Variants in NT5C2 observed in about 807,000 individuals in gnomAD.
NT5C2 encodes cytosolic purine 5'-nucleotidase.
Under a neutral mutation model 76.1 loss-of-function variants are expected in NT5C2, and 58 were observed. The observed-to-expected ratio is 0.76, with a 90% confidence interval of 0.62 to 0.95. The LOEUF (loss-of-function observed/expected upper bound fraction) is 0.95. Ranked by LOEUF, NT5C2 falls within the 40% of genes least tolerant of loss-of-function variation. The pLI is 0.00. For missense variants in NT5C2, 478 were observed against 690.3 expected (o/e 0.69, Z 3.45); for synonymous variants, 229 against 237.4 (o/e 0.96, Z 0.32).
At chr10:103,106,552 A>T in intron 5 of NT5C2, 37 bp downstream of exon 5, 1 of 1,293,608 alleles carries the variant, frequency 7.7e-7, no homozygotes, top group Non-Finnish European at 1.1e-6. Context: ...AAGTAGTCTT[A>T]ATCTAGTCTT....
At chr10:103,179,012 G>C (rs928387990) in intron 2 of NT5C2, among the ~76,000 whole-genome samples, 18 of 142,058 alleles carry the variant, frequency 1.3e-4, no homozygotes, top group African/African-American at 4.5e-4. Context: ...GCAGTGATGC[G>C]ATCTTGGCTC....
chr10:103,169,602 G>A (rs1034727214), intron 3 of NT5C2, among the ~76,000 whole-genome samples: 1 of 150,458 alleles, frequency 6.6e-6, no homozygotes. Flanking sequence ...CTGGGTGACA[G>A]AGCAAGACCC....
intron 1 of NT5C2, among the ~76,000 whole-genome samples, chr10:103,182,009 C>CA (rs372557039): frequency 0.13 from 15,907 of 124,642 alleles, 1,094 homozygotes; most frequent in East Asian, 0.2. Flanking sequence ...GACTCTATCT[C>CA]AAAAAAAAAA....
In NT5C2 at chr10:103,108,550, G is replaced by A. The variant is rs187119509; in HGVS notation, c.176-1844C>T. 1.3e-3 allele frequency among the ~76,000 whole-genome samples: 195 copies of A among 152,234 alleles called. 3 individuals are homozygous for A. In the Middle Eastern group the frequency reaches 0.051, roughly 40 times the overall value. ...ATATAACAGTAATACTAGTTGCCAC[G>A]TAGGAAAGGAACTGAGTGGCCTTTA... On this transcript the variant is annotated intron_variant, in intron 4 of 18. Transcript: ENST00000404739.
chr10:103,123,158 C>T (rs1259023442), intron 4 of NT5C2, among the ~76,000 whole-genome samples: 1 of 152,044 alleles, frequency 6.6e-6, no homozygotes, highest in Non-Finnish European at 1.5e-5. Flanking sequence ...GAGACAGGGT[C>T]TTGTTCTATA....
intron 12 of NT5C2, among the ~76,000 whole-genome samples, chr10:103,095,504 T>C (rs72843998): frequency 0.098 from 14,886 of 152,282 alleles, 1,048 homozygotes; most frequent in Non-Finnish European, 0.15. Context: ...CAAGGCTGAG[T>C]GCTCTCTTGG....
chr10:103,183,245 TATATATGTGTGTGTGTG>T (rs1333580225), intron 1 of NT5C2, among the ~76,000 whole-genome samples: 4 of 123,794 alleles, frequency 3.2e-5, no homozygotes, highest in Non-Finnish European at 6.7e-5. Flanking sequence ...AGGAGATATA[TATATATGTGTGTGTGTG>T]ATATATATAT....
intron 16 of NT5C2, 85 bp from the exon 17 acceptor site, chr10:103,091,081 C>A: frequency 8.0e-7 from 1 of 1,244,886 alleles, no homozygotes. Flanking sequence ...GTCACTCAGG[C>A]TGGAGTGCAG....
rs775096149 is a variant in NT5C2, at chr10:103,165,829, G to A, written c.101+9029C>T. ...TGGGATTACAGGCATGTACCACCAC[G>A]CCTGGCTAATTTGTATTTTTAGCAG... On this transcript the variant is annotated intron_variant, in intron 3 of 18. Transcript: ENST00000404739. Among the ~76,000 whole-genome samples, 6 of 152,154 alleles carry A rather than the reference G, an allele frequency of 3.9e-5. No individual in the cohort carries two copies. The South Asian group carries it at 1.0e-3, about 26-fold the overall frequency.
intron 3 of NT5C2, among the ~76,000 whole-genome samples, chr10:103,168,855 G>A (rs1256798040): frequency 6.6e-6 from 1 of 152,088 alleles, no homozygotes. Context: ...CATCACATAC[G>A]ATGTATACTT....
chr10:103,171,994 G>C (rs2088175358), intron 3 of NT5C2, among the ~76,000 whole-genome samples: 1 of 152,070 alleles, frequency 6.6e-6, no homozygotes, highest in African/African-American at 2.4e-5. Context: ...TAGATCACCT[G>C]ATATCAGGAG....
At chr10:103,153,448 C>T (rs971396196) in intron 3 of NT5C2, 2 of 1,132,468 alleles carry the variant, frequency 1.8e-6, no homozygotes, top group African/African-American at 3.4e-5. Flanking sequence ...ATGCCGAACC[C>T]TAACTAGGCA....
intron 4 of NT5C2, among the ~76,000 whole-genome samples, chr10:103,116,124 C>T (rs996226754): frequency 6.6e-6 from 1 of 151,738 alleles, no homozygotes; most frequent in East Asian, 1.9e-4. Context: ...ATTTAAATGC[C>T]TTTTTAAAAA....
intron 3 of NT5C2, among the ~76,000 whole-genome samples, chr10:103,163,359 G>T (rs1394108565): frequency 6.6e-6 from 1 of 152,166 alleles, no homozygotes; most frequent in African/African-American, 2.4e-5. Flanking sequence ...CTGCCAAACT[G>T]TTTTTCCAGA....
chr10:103,152,624 A>AACAT (rs1249820173), intron 3 of NT5C2, among the ~76,000 whole-genome samples: 1 of 152,200 alleles, frequency 6.6e-6, no homozygotes, highest in Non-Finnish European at 1.5e-5. Flanking sequence ...TATTAAAAGA[A>AACAT]ACATCTCTCT....
intron 18 of NT5C2, chr10:103,090,342 A>G (rs2066427768): frequency 5.2e-6 from 2 of 384,324 alleles, no homozygotes; most frequent in Admixed American, 4.2e-5. Flanking sequence ...CTCAGCCTCT[A>G]AAGTTCTGGG....
At chr10:103,092,764 G>C (rs1040374961) in intron 15 of NT5C2, among the ~76,000 whole-genome samples, 2 of 152,166 alleles carry the variant, frequency 1.3e-5, no homozygotes, top group African/African-American at 4.8e-5. Flanking sequence ...CACTGCCCCA[G>C]AATCACAGAT....
chr10:103,175,591 G>T, intron 2 of NT5C2: 1 of 210,934 alleles, frequency 4.7e-6, no homozygotes, highest in South Asian at 9.3e-5. Flanking sequence ...CGGAAGACGT[G>T]ACCACCAAGG....
intron 4 of NT5C2, among the ~76,000 whole-genome samples, chr10:103,129,103 C>T (rs1252280617): frequency 4.7e-5 from 6 of 128,910 alleles, no homozygotes; most frequent in Admixed American, 2.2e-4. Flanking sequence ...CCTGGCCAGC[C>T]GTGCCGTCCG....
Sources: gnomAD v4.1 joint callset for allele counts (sites outside exome capture counted in the v4.1 genomes callset) on GRCh38, gnomAD v4.1.1 for gene constraint, MANE v1.5 for transcripts, NCBI Gene and HGNC (gene_info 2026-07-23, HGNC 2026-07-21) for gene names.